ARHGEF3: variants seen among roughly 807,000 people sequenced by gnomAD.
ARHGEF3 encodes the protein 59.8 kDA protein.
In ARHGEF3, 28 loss-of-function variants were observed where a neutral mutation model predicts 63.2. The observed-to-expected ratio is 0.44, with a 90% CI of 0.33 to 0.61. The LOEUF is 0.61. Among genes scored for constraint, ARHGEF3 ranks in the 20% least tolerant of loss-of-function variants. The pLI is 0.03. For missense variants in ARHGEF3, 533 were observed against 659.3 expected, an observed-to-expected ratio of 0.81 and a Z score of 2.10; for synonymous variants, 266 against 254.2, an observed-to-expected ratio of 1.05 and a Z score of -0.44.
intron 2 of ARHGEF3, among the ~76,000 whole-genome samples, chr3:57,010,438 A>G (rs1269028703): frequency 6.7e-6 from 1 of 149,578 alleles, no homozygotes; most frequent in Non-Finnish European, 1.5e-5. Context: ...CCTGGGTGAC[A>G]GAACGAGACT....
intron 3 of ARHGEF3, among the ~76,000 whole-genome samples, chr3:56,941,330 C>T (rs574996621): frequency 9.8e-5 from 15 of 152,330 alleles, no homozygotes; most frequent in Middle Eastern, 3.4e-3. Context: ...GCCTCAGGCT[C>T]CCAAGCAGCT....
At chr3:56,925,191 G>C (rs895559993) in intron 3 of ARHGEF3, among the ~76,000 whole-genome samples, 3 of 152,366 alleles carry the variant, frequency 2.0e-5, no homozygotes, top group Admixed American at 1.3e-4. Context: ...AGGGTAGACT[G>C]GGTAGCCACA....
intron 2 of ARHGEF3, among the ~76,000 whole-genome samples, chr3:56,964,863 G>A (rs908090119): frequency 1.3e-5 from 2 of 151,918 alleles, no homozygotes; most frequent in Admixed American, 6.6e-5. Context: ...AAAGGCAGAA[G>A]GGAAAAGACA....
intron 2 of ARHGEF3, among the ~76,000 whole-genome samples, chr3:57,003,177 G>A (rs111533658): frequency 0.024 from 3,585 of 151,156 alleles, 132 homozygotes; most frequent in African/African-American, 0.081. Context: ...AGGCAGAGGC[G>A]GGCGGATCAC....
At chr3:57,073,526 GC>G in intron 1 of ARHGEF3, 1 of 1,129,986 alleles carries the variant, frequency 8.8e-7, no homozygotes, top group Admixed American at 3.0e-5. Context: ...GTGGGGTTTG[GC>G]TCTGTTTGAG....
intron 1 of ARHGEF3, among the ~76,000 whole-genome samples, chr3:56,789,717 T>C (rs920917834): frequency 3.3e-5 from 5 of 152,254 alleles, no homozygotes; most frequent in African/African-American, 7.2e-5. Context: ...TTATGTACTA[T>C]TTCCTTAATT....
intron 2 of ARHGEF3, among the ~76,000 whole-genome samples, chr3:56,964,660 A>G (rs947794159): frequency 6.6e-6 from 1 of 152,162 alleles, no homozygotes. Context: ...TTCCCCTCCA[A>G]AAAATTACAA....
rs72870590 is a variant in ARHGEF3 at position 56,952,800 on chromosome 3, T to C, written c.129+6023A>G. On this transcript the variant is annotated intron_variant, in intron 3 of 12. Coordinates refer to the ARHGEF3 transcript ENST00000338458. Reference sequence around the variant, plus strand: ...ACATCTAGTAGGGAAGATTAAAAGGTTTAAAATAAAGTCGAAGAGAGTAGA... The same window carrying C: ...ACATCTAGTAGGGAAGATTAAAAGGCTTAAAATAAAGTCGAAGAGAGTAGA... Among the ~76,000 whole-genome samples, 884 of 152,138 alleles carry C rather than the reference T, an allele frequency of 5.8e-3. 10 individuals carry two copies. The highest frequency in any genetic ancestry group is 0.02 in the African/African-American group (830 of 41,490).
intron 1 of ARHGEF3, among the ~76,000 whole-genome samples, chr3:56,778,442 C>T (rs1427982658): frequency 2.0e-5 from 3 of 152,198 alleles, no homozygotes; most frequent in Non-Finnish European, 4.4e-5. Context: ...TCTCTGCTTT[C>T]GGACACAAAC....
chr3:56,921,369 T>C (rs1011947156), intron 3 of ARHGEF3, among the ~76,000 whole-genome samples: 1 of 152,184 alleles, frequency 6.6e-6, no homozygotes, highest in African/African-American at 2.4e-5. Flanking sequence ...TGTTGTCAAA[T>C]TTAGGTAAGA....
chr3:56,860,070 CGATA>C (rs1261385416), intron 4 of ARHGEF3, among the ~76,000 whole-genome samples: 1 of 115,192 alleles, frequency 8.7e-6, no homozygotes, highest in Non-Finnish European at 1.9e-5. Context: ...ATAGATAGAT[CGATA>C]GATAGATAAA....
chr3:56,816,356 A>G (rs1293822062), intron 4 of ARHGEF3, among the ~76,000 whole-genome samples: 1 of 152,244 alleles, frequency 6.6e-6, no homozygotes, highest in Non-Finnish European at 1.5e-5. Flanking sequence ...TTGTCCATTT[A>G]TAAGAATTAG....
chr3:56,978,681 G>A (rs762957540), intron 2 of ARHGEF3, among the ~76,000 whole-genome samples: 1 of 152,100 alleles, frequency 6.6e-6, no homozygotes, highest in Non-Finnish European at 1.5e-5. Flanking sequence ...ATTTCCACAG[G>A]GTAATTTGAC....
At chr3:56,745,725 G>C (rs971660428) in intron 6 of ARHGEF3, among the ~76,000 whole-genome samples, 1 of 151,894 alleles carries the variant, frequency 6.6e-6, no homozygotes, top group Non-Finnish European at 1.5e-5. Flanking sequence ...AGGCTGGTGT[G>C]CAATGGCACT....
intron 4 of ARHGEF3, among the ~76,000 whole-genome samples, chr3:56,752,548 T>C (rs1578414280): frequency 6.6e-6 from 1 of 152,172 alleles, no homozygotes; most frequent in East Asian, 1.9e-4. Context: ...TTTGAGCTGG[T>C]TCCTGAAGGA....
chr3:57,058,113 C>G (rs146638915), intron 1 of ARHGEF3, among the ~76,000 whole-genome samples: 1 of 152,168 alleles, frequency 6.6e-6, no homozygotes, highest in African/African-American at 2.4e-5. Context: ...TTACCTATTT[C>G]CCACAATCTC....
At chr3:56,976,034 A>T (rs962869992) in intron 2 of ARHGEF3, among the ~76,000 whole-genome samples, 5 of 151,350 alleles carry the variant, frequency 3.3e-5, no homozygotes, top group Non-Finnish European at 7.4e-5. Flanking sequence ...ATCAACGCTT[A>T]GAAGGTGTTT....
chr3:56,840,348 C>T (rs11717281), intron 4 of ARHGEF3, among the ~76,000 whole-genome samples: 14,418 of 152,258 alleles, frequency 0.095, 859 homozygotes, highest in Admixed American at 0.22. Flanking sequence ...AAGAAGTGGT[C>T]TGCATTTCTG....
At chr3:57,002,024 C>T (rs1398517818) in intron 2 of ARHGEF3, among the ~76,000 whole-genome samples, 4 of 147,668 alleles carry the variant, frequency 2.7e-5, no homozygotes, top group African/African-American at 9.9e-5. Context: ...CCCGGGTTCA[C>T]GCCATTCTCC....
Sources: gnomAD v4.1 joint callset for allele counts (sites outside exome capture counted in the v4.1 genomes callset) on GRCh38, gnomAD v4.1.1 for gene constraint, MANE v1.5 for transcripts, NCBI Gene and HGNC (gene_info 2026-07-23, HGNC 2026-07-21) for gene names.